The following RAD51B variants were observed in gnomAD, a reference collection of about 807,000 sequenced individuals.
The protein encoded by RAD51B is RAD51 paralog B.
Under a neutral mutation model 42.2 loss-of-function variants are expected in RAD51B, and 38 were observed. The observed-to-expected ratio is 0.90, with a 90% CI of 0.70 to 1.18. The LOEUF (loss-of-function observed/expected upper bound fraction) is 1.18. RAD51B is among the 50% of genes most tolerant of loss of function. The pLI is 0.00. For missense variants in RAD51B, 373 were observed against 400.7 expected, an observed-to-expected ratio of 0.93 and a Z score of 0.59; for synonymous variants, 154 against 145.2, an observed-to-expected ratio of 1.06 and a Z score of -0.43.
intron 9 of RAD51B, among the ~76,000 whole-genome samples, chr14:68,412,041 G>A (rs1229641423): frequency 6.6e-6 from 1 of 152,222 alleles, no homozygotes; most frequent in East Asian, 1.9e-4. Context: ...CAAATGGTTG[G>A]TCACTTTCTC....
Position 67,835,318 on chromosome 14 carries a change from T to C in RAD51B, c.315+122T>C. 8.0e-6 allele frequency: 6 copies of C among 747,448 alleles called. No homozygotes were observed. In the South Asian group the frequency reaches 8.8e-5, roughly 11 times the overall value. 46.3% of individuals were successfully genotyped at this position (747,448 alleles called of 1,614,324 possible). A position where few individuals can be genotyped will look rare whatever the true frequency, so the allele number is the denominator to read the frequency against. Reference sequence around the variant, plus strand: ...GTAATCTGAATTAAATTATAAGTACTTCAAGGATATGGTTCTCCACTCAGT... The same window carrying C: ...GTAATCTGAATTAAATTATAAGTACCTCAAGGATATGGTTCTCCACTCAGT... On this transcript the variant is annotated intron_variant, in intron 4 of 10. Coordinates refer to ENST00000471583, the MANE Select transcript of RAD51B (RefSeq NM_133510.4).
intron 7 of RAD51B, among the ~76,000 whole-genome samples, chr14:68,118,711 A>G (rs2077591545): frequency 6.6e-6 from 1 of 152,178 alleles, no homozygotes; most frequent in African/African-American, 2.4e-5. Flanking sequence ...ATTTGGTTCA[A>G]AATATTTTAA....
chr14:68,473,627 C>G (rs1273088285), intron 10 of RAD51B, among the ~76,000 whole-genome samples: 4 of 151,838 alleles, frequency 2.6e-5, no homozygotes, highest in African/African-American at 9.7e-5. Flanking sequence ...ATTTTAAATA[C>G]AGAACAGTAC....
At chr14:68,059,086 T>G (rs1457664284) in intron 7 of RAD51B, among the ~76,000 whole-genome samples, 1 of 152,178 alleles carries the variant, frequency 6.6e-6, no homozygotes, top group Non-Finnish European at 1.5e-5. Context: ...CCAGCAAGCT[T>G]AAGCCCCCAA....
chr14:68,067,200 T>C (rs968900261), intron 7 of RAD51B, among the ~76,000 whole-genome samples: 1 of 152,160 alleles, frequency 6.6e-6, no homozygotes, highest in African/African-American at 2.4e-5. Context: ...TGGTGGCTCA[T>C]GCCTGTAATC....
intron 7 of RAD51B, among the ~76,000 whole-genome samples, chr14:68,068,135 A>G (rs1280033538): frequency 6.6e-6 from 1 of 152,120 alleles, no homozygotes; most frequent in Non-Finnish European, 1.5e-5. Flanking sequence ...TTTTAAAACC[A>G]GCTTTTAAAT....
chr14:68,155,667 C>G (rs2078488438), intron 7 of RAD51B, among the ~76,000 whole-genome samples: 1 of 152,126 alleles, frequency 6.6e-6, no homozygotes, highest in African/African-American at 2.4e-5. Flanking sequence ...TAAATGGTTG[C>G]AAAATTCAAC....
intron 9 of RAD51B, among the ~76,000 whole-genome samples, chr14:68,431,953 T>G (rs2085019368): frequency 6.6e-6 from 1 of 152,218 alleles, no homozygotes; most frequent in African/African-American, 2.4e-5. Flanking sequence ...ATGTTGTGTC[T>G]TTGTTCTCAC....
intron 7 of RAD51B, among the ~76,000 whole-genome samples, chr14:67,950,527 C>T (rs1363495827): frequency 6.6e-6 from 1 of 152,144 alleles, no homozygotes; most frequent in East Asian, 1.9e-4. Flanking sequence ...GTCTTCTATC[C>T]AGACATTTGG....
intron 8 of RAD51B, among the ~76,000 whole-genome samples, chr14:68,315,764 T>C (rs909554453): frequency 1.2e-4 from 19 of 152,186 alleles, no homozygotes; most frequent in East Asian, 1.9e-4. Flanking sequence ...CCTCATGATC[T>C]GCCCGCCTTG....
intron 7 of RAD51B, among the ~76,000 whole-genome samples, chr14:68,095,215 C>T (rs2077171157): frequency 6.6e-6 from 1 of 151,926 alleles, no homozygotes; most frequent in East Asian, 1.9e-4. Flanking sequence ...ATTTCATTGG[C>T]ATTTATCATT....
At chr14:68,388,098 T>C (rs199950972) in intron 8 of RAD51B, among the ~76,000 whole-genome samples, 1 of 122,700 alleles carries the variant, frequency 8.1e-6, no homozygotes, top group African/African-American at 3.2e-5. Context: ...ATATATATTT[T>C]TTTTTTTTTT....
intron 7 of RAD51B, among the ~76,000 whole-genome samples, chr14:68,260,374 T>C (rs2080864473): frequency 8.7e-6 from 1 of 115,018 alleles, no homozygotes; most frequent in East Asian, 2.4e-4. Context: ...CCTCACAAGT[T>C]TCATGGCTGA....
intron 7 of RAD51B, among the ~76,000 whole-genome samples, chr14:68,228,608 T>C (rs1595576922): frequency 6.6e-6 from 1 of 152,186 alleles, no homozygotes; most frequent in African/African-American, 2.4e-5. Flanking sequence ...CAGCTCTTGA[T>C]GTGTAAGACA....
chr14:68,166,198 C>G (rs1222150693), intron 7 of RAD51B, among the ~76,000 whole-genome samples: 1 of 141,912 alleles, frequency 7.0e-6, no homozygotes, highest in Non-Finnish European at 1.5e-5. Flanking sequence ...GTTTCTCCAG[C>G]TATACATGAA....
intron 9 of RAD51B, among the ~76,000 whole-genome samples, chr14:68,417,945 C>G (rs765711383): frequency 6.6e-6 from 1 of 152,148 alleles, no homozygotes; most frequent in Non-Finnish European, 1.5e-5. Context: ...ATGAAGGGTC[C>G]CCTTTCCCAT....
chr14:67,823,387 C>CT (rs1403537418), intron 1 of RAD51B, 155 bp from the exon 2 acceptor site: 1 of 563,456 alleles, frequency 1.8e-6, no homozygotes, highest in Non-Finnish European at 3.1e-6. Flanking sequence ...TATAGCATTC[C>CT]TTTATCAGTA....
chr14:68,515,241 A>G (rs1487344817), intron 10 of RAD51B, among the ~76,000 whole-genome samples: 1 of 152,162 alleles, frequency 6.6e-6, no homozygotes, highest in African/African-American at 2.4e-5. Context: ...GGGGAGTGTT[A>G]AAACTCATAA....
intron 7 of RAD51B, among the ~76,000 whole-genome samples, chr14:68,235,664 A>G (rs1194905027): frequency 1.5e-5 from 2 of 132,472 alleles, no homozygotes; most frequent in Non-Finnish European, 3.1e-5. Flanking sequence ...AGATCCCGCC[A>G]CTGCACTCCA....
Sources: gnomAD v4.1 joint callset for allele counts (sites outside exome capture counted in the v4.1 genomes callset) on GRCh38, gnomAD v4.1.1 for gene constraint, MANE v1.5 for transcripts, NCBI Gene and HGNC (gene_info 2026-07-23, HGNC 2026-07-21) for gene names.